The following SCLT1 variants were observed in gnomAD, a reference collection of about 807,000 sequenced individuals.
The protein encoded by SCLT1 is sodium channel and clathrin linker 1.
SCLT1 carries 78 observed loss-of-function variants against 112.8 expected under a neutral mutation model. The ratio of observed to expected loss-of-function variants is 0.69; its 90% CI spans 0.58 to 0.83. The LOEUF is 0.83. Among genes scored for constraint, SCLT1 ranks in the 40% least tolerant of loss-of-function variants. The probability of loss-of-function intolerance (pLI) is 0.00; values close to 1 mark genes in which losing one functional copy is unlikely to be tolerated. For synonymous variants in SCLT1, 257 were observed against 254.7 expected, an observed-to-expected ratio of 1.01 and a Z score of -0.09; for missense variants, 747 against 770.4, an observed-to-expected ratio of 0.97 and a Z score of 0.36.
intron 12 of SCLT1, among the ~76,000 whole-genome samples, chr4:128,957,828 T>G (rs1353777712): frequency 6.6e-6 from 1 of 152,184 alleles, no homozygotes. Context: ...AATATTTACT[T>G]TCCTCTCCTT....
chr4:129,090,299 G>A (rs963486084), intron 1 of SCLT1, among the ~76,000 whole-genome samples: 52 of 152,268 alleles, frequency 3.4e-4, no homozygotes, highest in African/African-American at 1.2e-3. Flanking sequence ...TAAATCAGTG[G>A]AAAAGAATAG....
chr4:129,004,597 C>T (rs747208055), intron 5 of SCLT1, among the ~76,000 whole-genome samples: 1 of 151,954 alleles, frequency 6.6e-6, no homozygotes, highest in African/African-American at 2.4e-5. Flanking sequence ...TCAGAAAACA[C>T]TCTTATTTCA....
At chr4:129,092,562 G>C (rs574304483) in intron 1 of SCLT1, among the ~76,000 whole-genome samples, 1 of 152,196 alleles carries the variant, frequency 6.6e-6, no homozygotes, top group African/African-American at 2.4e-5. Flanking sequence ...AACCCTATGA[G>C]ACTGTGGCAA....
chr4:129,011,663 G>T (rs1423352638), intron 5 of SCLT1, among the ~76,000 whole-genome samples: 3 of 151,962 alleles, frequency 2.0e-5, no homozygotes, highest in Non-Finnish European at 4.4e-5. Flanking sequence ...AACTTATCTG[G>T]TCCTGGGCTT....
At chr4:129,013,788 G>A (rs1052156156) in intron 5 of SCLT1, among the ~76,000 whole-genome samples, 3 of 152,138 alleles carry the variant, frequency 2.0e-5, no homozygotes, top group East Asian at 1.9e-4. Flanking sequence ...TGTGTCTTGC[G>A]GATGATCTTC....
chr4:128,969,563 C>T (rs1340538606), intron 10 of SCLT1, among the ~76,000 whole-genome samples: 1 of 151,556 alleles, frequency 6.6e-6, no homozygotes, highest in East Asian at 1.9e-4. Flanking sequence ...CACAGCGAGA[C>T]TCTGACTCAA....
At chr4:128,998,238 A>G (rs1743175788) in intron 7 of SCLT1, among the ~76,000 whole-genome samples, 1 of 151,898 alleles carries the variant, frequency 6.6e-6, no homozygotes, top group African/African-American at 2.4e-5. Context: ...ATCATAAAAA[A>G]TTATAAGTGA....
intron 1 of SCLT1, among the ~76,000 whole-genome samples, chr4:129,089,362 T>TG (rs1430723509): frequency 4.6e-5 from 7 of 152,306 alleles, no homozygotes; most frequent in African/African-American, 1.4e-4. Flanking sequence ...AAACAACAGA[T>TG]GCTGGAGAGG....
chr4:129,019,305 A>G (rs1745247770), intron 5 of SCLT1, among the ~76,000 whole-genome samples: 1 of 152,236 alleles, frequency 6.6e-6, no homozygotes, highest in South Asian at 2.1e-4. Flanking sequence ...TTTAGGTGAC[A>G]AAGATGAATC....
At chr4:128,898,705 A>T (rs1008040145) in intron 18 of SCLT1, among the ~76,000 whole-genome samples, 1 of 152,214 alleles carries the variant, frequency 6.6e-6, no homozygotes, top group African/African-American at 2.4e-5. Context: ...GAGACACAAA[A>T]ATCCCTTCAA....
In SCLT1 at chr4:129,053,423, T is replaced by C. The variant is rs891197068; in HGVS notation, c.103-9372A>G. Among the ~76,000 whole-genome samples the C allele has an allele frequency of 2.6e-5, 4 of 152,078 alleles. No individual in the cohort carries two copies. In the South Asian group the frequency reaches 6.2e-4, roughly 24 times the overall value. On this transcript the variant is annotated intron_variant, in intron 2 of 20. Transcript: ENST00000281142. ...TAAATCTGGGTCCTCCTGTATTGGG[T>C]GTATATATATTTAGGATAGTCAGCA...
intron 13 of SCLT1, 133 bp from the exon 14 acceptor site, chr4:128,952,973 A>C (rs1738890380): frequency 1.6e-6 from 1 of 608,658 alleles, no homozygotes; most frequent in African/African-American, 1.9e-5. Flanking sequence ...AAATAAGCAC[A>C]TAATATATTA....
intron 2 of SCLT1, among the ~76,000 whole-genome samples, chr4:129,059,833 G>T (rs146536866): frequency 6.6e-6 from 1 of 152,156 alleles, no homozygotes; most frequent in African/African-American, 2.4e-5. Context: ...GAAAAGACCT[G>T]TTTGGGTTAA....
intron 1 of SCLT1, among the ~76,000 whole-genome samples, chr4:129,082,746 T>C (rs1752052360): frequency 6.6e-6 from 1 of 152,204 alleles, no homozygotes; most frequent in Admixed American, 6.5e-5. Flanking sequence ...GCTATAGTCA[T>C]ATTTTTTAGA....
Position 128,936,817 on chromosome 4 carries a change from T to C in SCLT1, c.1667A>G (p.Glu556Gly), listed in dbSNP as rs1388201771. The change falls in exon 18 of 21, where the codon GAA becomes GGA. Residue 556 changes from glutamate to glycine, a missense_variant. Physicochemically the swap from Glu to Gly is moderately conservative, Grantham distance 98 (BLOSUM62 -2). Transcript: ENST00000281142. Reference sequence around the variant, plus strand: ...TCTCAATTGAACTTCAAATCCACGTTCCTTTATTGAAAATTCATGTTCCAT... The same window carrying C: ...TCTCAATTGAACTTCAAATCCACGTCCCTTTATTGAAAATTCATGTTCCAT... ...STMEHEFSIKERGFEVQLREM... is the reference protein window; with the variant it reads ...STMEHEFSIKGRGFEVQLREM... The C allele has an allele frequency of 6.3e-7, 1 of 1,591,756 alleles. No individual in the cohort carries two copies. Among genetic ancestry groups the C allele is most frequent in the African/African-American group, 1.3e-5 (1 of 74,100 alleles).
intron 2 of SCLT1, among the ~76,000 whole-genome samples, chr4:129,067,348 T>G (rs1297631333): frequency 6.6e-6 from 1 of 151,940 alleles, no homozygotes; most frequent in Non-Finnish European, 1.5e-5. Flanking sequence ...TATGTTCACA[T>G]GGTTCCAGGA....
At position 128,949,237 on chromosome 4, in the gene SCLT1, G is replaced by A. The variant is rs78059119; in HGVS notation, c.1219-667C>T. ...GGCTTGTTTTTTTTTTTTTTTTTTC[G>A]TGAGACAGGTGCACATGTGTATGTT... On this transcript the variant is annotated intron_variant, in intron 14 of 20. Coordinates refer to ENST00000281142, the MANE Select transcript of SCLT1 (RefSeq NM_144643.4). Among the ~76,000 whole-genome samples the A allele has an allele frequency of 5.2e-3, 592 of 114,158 alleles. 1 individual carries two copies. Among genetic ancestry groups the A allele is most frequent in the African/African-American group, 0.017 (477 of 28,464 alleles). The allele number at this position is 114,158 out of a possible 152,430, so 74.9% of individuals were successfully genotyped here.
At chr4:128,982,287 G>A (rs912754360) in intron 9 of SCLT1, among the ~76,000 whole-genome samples, 3 of 152,128 alleles carry the variant, frequency 2.0e-5, no homozygotes, top group South Asian at 2.1e-4. Flanking sequence ...TCGAAGCTAC[G>A]AAAGTGTGCA....
At chr4:129,025,615 T>C (rs1745983468) in intron 5 of SCLT1, among the ~76,000 whole-genome samples, 1 of 152,070 alleles carries the variant, frequency 6.6e-6, no homozygotes, top group African/African-American at 2.4e-5. Context: ...GTAAAGACCA[T>C]CGAGGCTAGG....
Sources: gnomAD v4.1 joint callset for allele counts (sites outside exome capture counted in the v4.1 genomes callset) on GRCh38, gnomAD v4.1.1 for gene constraint, MANE v1.5 for transcripts, NCBI Gene and HGNC (gene_info 2026-07-23, HGNC 2026-07-21) for gene names.